Variants in NAV2 observed in about 807,000 individuals in gnomAD.
NAV2 encodes the protein neuron navigator 2.
A neutral mutation model predicts 223.2 loss-of-function variants in NAV2; 54 were observed. The ratio of observed to expected loss-of-function variants is 0.24; its 90% CI spans 0.19 to 0.30. NAV2 has a LOEUF of 0.30. Ranked by LOEUF, NAV2 falls within the 10% of genes least tolerant of loss-of-function variation. The probability of loss-of-function intolerance (pLI) is 1.00; values close to 1 mark genes in which losing one functional copy is unlikely to be tolerated. For synonymous variants in NAV2, 1,279 were observed against 1,239.3 expected, an observed-to-expected ratio of 1.03 and a Z score of -0.67; for missense variants, 2,806 against 3,147.5, an observed-to-expected ratio of 0.89 and a Z score of 2.60.
chr11:19,576,463 CA>C (rs2045574147), intron 1 of NAV2, among the ~76,000 whole-genome samples: 1 of 152,060 alleles, frequency 6.6e-6, no homozygotes, highest in African/African-American at 2.4e-5. Context: ...GGGAGAAATA[CA>C]AATCACCCAT....
chr11:20,039,787 T>C (rs147200333), intron 12 of NAV2, among the ~76,000 whole-genome samples: 2 of 152,340 alleles, frequency 1.3e-5, no homozygotes, highest in East Asian at 3.9e-4. Context: ...TAATAACATA[T>C]GCGGAGGAAA....
At chr11:19,496,335 G>A (rs2042792233) in intron 1 of NAV2, among the ~76,000 whole-genome samples, 1 of 152,188 alleles carries the variant, frequency 6.6e-6, no homozygotes, top group Non-Finnish European at 1.5e-5. Context: ...TAGCTGCGTG[G>A]TTCCAGCTCA....
At chr11:19,704,162 C>T (rs2049591948) in intron 1 of NAV2, among the ~76,000 whole-genome samples, 1 of 152,140 alleles carries the variant, frequency 6.6e-6, no homozygotes, top group Admixed American at 6.5e-5. Context: ...AGAGCACGAA[C>T]ATCACGCAAA....
chr11:20,102,584 A>G (rs1306043427), intron 32 of NAV2, among the ~76,000 whole-genome samples: 3 of 152,176 alleles, frequency 2.0e-5, no homozygotes, highest in African/African-American at 7.2e-5. Context: ...CCTGGCTCTA[A>G]GTGATGCCAG....
chr11:19,893,471 C>T lies in NAV2; in HGVS notation c.931+877C>T, dbSNP rs568096866. Reference sequence around the variant, plus strand: ...TCTATTTCCCTGACGTCCAGGAAAGCTGCCCCCTCACTCCCTAAAGTGCCC... The same window carrying T: ...TCTATTTCCCTGACGTCCAGGAAAGTTGCCCCCTCACTCCCTAAAGTGCCC... On this transcript the variant is annotated intron_variant, in intron 6 of 37. Transcript: ENST00000349880. Among the ~76,000 whole-genome samples, 15 of 152,274 alleles carry T rather than the reference C, an allele frequency of 9.9e-5. No homozygotes were observed. In the South Asian group the frequency reaches 1.7e-3, roughly 17 times the overall value.
intron 1 of NAV2, among the ~76,000 whole-genome samples, chr11:19,481,657 G>A (rs1183993913): frequency 7.9e-5 from 12 of 152,230 alleles, no homozygotes; most frequent in Non-Finnish European, 1.5e-5. Flanking sequence ...TAATGCATCT[G>A]GGGCAGTGCC....
intron 1 of NAV2, among the ~76,000 whole-genome samples, chr11:19,640,225 A>G (rs1257663957): frequency 6.6e-6 from 1 of 152,206 alleles, no homozygotes. Flanking sequence ...AATAATAGAT[A>G]TTCTGGGAAG....
intron 1 of NAV2, among the ~76,000 whole-genome samples, chr11:19,820,504 G>A (rs746241649): frequency 2.6e-5 from 4 of 152,230 alleles, no homozygotes; most frequent in African/African-American, 4.8e-5. Flanking sequence ...TTGTTCTGAA[G>A]TGACCAGTAA....
chr11:19,453,272 C>G (rs1168586530), intron 1 of NAV2, among the ~76,000 whole-genome samples: 1 of 152,120 alleles, frequency 6.6e-6, no homozygotes, highest in Non-Finnish European at 1.5e-5. Context: ...ACAGGTGGAT[C>G]CCAGCTGAGT....
intron 11 of NAV2, among the ~76,000 whole-genome samples, chr11:19,999,290 A>G (rs1217165801): frequency 6.6e-6 from 1 of 152,246 alleles, no homozygotes; most frequent in Non-Finnish European, 1.5e-5. Flanking sequence ...CTTGCCTTCA[A>G]AAAAATCGGG....
intron 35 of NAV2, among the ~76,000 whole-genome samples, chr11:20,106,188 T>TGTGTGTGTGC: frequency 2.5e-5 from 1 of 40,528 alleles, no homozygotes; most frequent in Non-Finnish European, 4.3e-5. Context: ...TGTGTGTATA[T>TGTGTGTGTGC]ATATATATAT....
intron 8 of NAV2, among the ~76,000 whole-genome samples, chr11:19,944,610 CTTCT>C (rs1274439503): frequency 3.7e-5 from 5 of 133,438 alleles, no homozygotes; most frequent in African/African-American, 8.4e-5. Context: ...TCCTTTCTTT[CTTCT>C]TTCTTTTTCT....
At chr11:19,959,949 T>G (rs183583704) in intron 10 of NAV2, among the ~76,000 whole-genome samples, 1 of 152,300 alleles carries the variant, frequency 6.6e-6, no homozygotes, top group African/African-American at 2.4e-5. Flanking sequence ...GCAAGCAGCA[T>G]CAACAAAACA....
At chr11:19,891,771 T>A (rs2041515967) in intron 5 of NAV2, among the ~76,000 whole-genome samples, 2 of 152,208 alleles carry the variant, frequency 1.3e-5, no homozygotes, top group South Asian at 4.1e-4. Context: ...CTTTTCTTGA[T>A]ACTTACAACC....
chr11:19,736,808 A>T (rs1201470052), intron 1 of NAV2, among the ~76,000 whole-genome samples: 2 of 152,222 alleles, frequency 1.3e-5, no homozygotes, highest in African/African-American at 2.4e-5. Context: ...ATCAGATTTC[A>T]TCAATATAAA....
chr11:19,463,666 A>G (rs1280830689), intron 1 of NAV2, among the ~76,000 whole-genome samples: 1 of 152,246 alleles, frequency 6.6e-6, no homozygotes, highest in Non-Finnish European at 1.5e-5. Flanking sequence ...GTCTAACCAG[A>G]AAAAGCTGAG....
At chr11:19,751,641 C>G (rs1049602166) in intron 1 of NAV2, among the ~76,000 whole-genome samples, 1 of 152,156 alleles carries the variant, frequency 6.6e-6, no homozygotes, top group African/African-American at 2.4e-5. Context: ...TCTTTCTTGA[C>G]CAACCCATCT....
intron 1 of NAV2, among the ~76,000 whole-genome samples, chr11:19,730,202 C>T (rs899216663): frequency 1.2e-4 from 19 of 152,164 alleles, no homozygotes; most frequent in African/African-American, 3.4e-4. Flanking sequence ...CAGTTCCCCT[C>T]GGCAGGGTCG....
chr11:19,947,162 T>C (rs2047000947), intron 9 of NAV2, among the ~76,000 whole-genome samples: 1 of 152,186 alleles, frequency 6.6e-6, no homozygotes, highest in East Asian at 1.9e-4. Context: ...CCTTTGCTTC[T>C]CCAATTTCAG....
Sources: gnomAD v4.1 joint callset for allele counts (sites outside exome capture counted in the v4.1 genomes callset) on GRCh38, gnomAD v4.1.1 for gene constraint, MANE v1.5 for transcripts, NCBI Gene and HGNC (gene_info 2026-07-23, HGNC 2026-07-21) for gene names.